Variants in CSRNP3 observed in about 807,000 individuals in gnomAD.
CSRNP3 encodes cysteine/serine-rich nuclear protein 3.
In CSRNP3, 12 loss-of-function variants were observed where a neutral mutation model predicts 48.0. The ratio of observed to expected loss-of-function variants is 0.25; its 90% CI spans 0.16 to 0.41. CSRNP3 has a LOEUF of 0.41. Ranked by LOEUF, CSRNP3 falls within the 10% of genes least tolerant of loss-of-function variation. The pLI is 1.00. For missense variants in CSRNP3, 580 were observed against 724.4 expected (o/e 0.80, Z 2.29); for synonymous variants, 263 against 269.7 (o/e 0.98, Z 0.24).
At chr2:165,640,210 T>A (rs1455857872) in intron 4 of CSRNP3, among the ~76,000 whole-genome samples, 1 of 152,244 alleles carries the variant, frequency 6.6e-6, no homozygotes, top group Admixed American at 6.5e-5. Context: ...CGTGCCAAAC[T>A]TTGTTTAATG....
At chr2:165,497,635 C>T (rs1329799834) in intron 2 of CSRNP3, among the ~76,000 whole-genome samples, 1 of 152,066 alleles carries the variant, frequency 6.6e-6, no homozygotes, top group Non-Finnish European at 1.5e-5. Context: ...AGTCAAACCT[C>T]ATTTTGAATT....
chr2:165,618,239 A>G (rs1686283067), intron 4 of CSRNP3, among the ~76,000 whole-genome samples: 1 of 151,680 alleles, frequency 6.6e-6, no homozygotes, highest in Non-Finnish European at 1.5e-5. Flanking sequence ...TGCAGTGGGG[A>G]CTCCATCCTG....
At chr2:165,565,134 A>G (rs1194766395) in intron 3 of CSRNP3, among the ~76,000 whole-genome samples, 1 of 152,084 alleles carries the variant, frequency 6.6e-6, no homozygotes, top group Admixed American at 6.6e-5. Context: ...TATGGCCTAC[A>G]AAGAGTAGTG....
chr2:165,544,389 T>C (rs986496428), intron 3 of CSRNP3, among the ~76,000 whole-genome samples: 1 of 152,160 alleles, frequency 6.6e-6, no homozygotes, highest in Non-Finnish European at 1.5e-5. Context: ...AGTTATATGG[T>C]TCTTTTGGCT....
chr2:165,636,772 A>C (rs1265584999), intron 4 of CSRNP3, among the ~76,000 whole-genome samples: 1 of 152,218 alleles, frequency 6.6e-6, no homozygotes, highest in Non-Finnish European at 1.5e-5. Flanking sequence ...CATCATGCTA[A>C]TGCTACTACA....
chr2:165,590,976 T>C (rs1405597497), intron 3 of CSRNP3, among the ~76,000 whole-genome samples: 3 of 151,678 alleles, frequency 2.0e-5, no homozygotes, highest in East Asian at 1.9e-4. Context: ...CAGGCAGAGG[T>C]TGCAACAGTT....
rs186448629 is a variant in CSRNP3 at position 165,493,605 on chromosome 2, T to C, written c.-282-1154T>C. Among the ~76,000 whole-genome samples, 907 of 152,166 alleles carry C rather than the reference T, an allele frequency of 6.0e-3. 5 individuals carry two copies. The highest frequency in any genetic ancestry group is 0.01 in the Non-Finnish European group (690 of 67,972). ...GCAGAATCTGAATATGAATGGAGCA[T>C]TGGCCGGAGTTAGAGGAGATTAAAT... On this transcript the variant is annotated intron_variant, in intron 1 of 6. Coordinates refer to ENST00000651982, the MANE Select transcript of CSRNP3 (RefSeq NM_001172173.2).
intron 3 of CSRNP3, among the ~76,000 whole-genome samples, chr2:165,582,494 A>G (rs1299575342): frequency 2.6e-5 from 4 of 152,180 alleles, no homozygotes; most frequent in Non-Finnish European, 5.9e-5. Context: ...AATCCCCTGG[A>G]AATGTCTCCA....
intron 3 of CSRNP3, among the ~76,000 whole-genome samples, chr2:165,583,884 C>T (rs1227875194): frequency 6.6e-6 from 1 of 152,078 alleles, no homozygotes; most frequent in Non-Finnish European, 1.5e-5. Flanking sequence ...TCTTGGATCT[C>T]ACACAAGAAG....
intron 4 of CSRNP3, among the ~76,000 whole-genome samples, chr2:165,645,500 A>G (rs959148334): frequency 3.3e-5 from 5 of 152,212 alleles, no homozygotes; most frequent in Non-Finnish European, 7.3e-5. Flanking sequence ...CATTCAGACC[A>G]TAGCAGAAAT....
At chr2:165,523,184 C>A (rs568163898) in intron 3 of CSRNP3, among the ~76,000 whole-genome samples, 1 of 152,282 alleles carries the variant, frequency 6.6e-6, no homozygotes, top group South Asian at 2.1e-4. Flanking sequence ...AGGAGTCCTT[C>A]CTGCTATTCA....
intron 3 of CSRNP3, among the ~76,000 whole-genome samples, chr2:165,590,312 A>G (rs1685695643): frequency 6.6e-6 from 1 of 152,244 alleles, no homozygotes; most frequent in South Asian, 2.1e-4. Flanking sequence ...TAATAAAGCA[A>G]TTGAGTAGAA....
chr2:165,528,126 C>T (rs1684764679), intron 3 of CSRNP3, among the ~76,000 whole-genome samples: 1 of 152,092 alleles, frequency 6.6e-6, no homozygotes. Context: ...CAGTCATATA[C>T]TGTTGATAGA....
In CSRNP3 at chr2:165,636,448, C is replaced by G. The variant is rs1259569415; in HGVS notation, c.149-21313C>G. ...AACTGTACTAACTCCATCAATAAGACACGTGTCTTGAGATATTTTCCCAGT... is the reference window on the plus strand; with the variant it reads ...AACTGTACTAACTCCATCAATAAGAGACGTGTCTTGAGATATTTTCCCAGT... On this transcript the variant is annotated intron_variant, in intron 4 of 6. Transcript: ENST00000651982. 2.0e-5 allele frequency among the ~76,000 whole-genome samples: 3 copies of G among 152,266 alleles called. No individual in the cohort carries two copies. The East Asian group carries it at 5.8e-4, about 29-fold the overall frequency.
chr2:165,529,023 C>T (rs532618733), intron 3 of CSRNP3, among the ~76,000 whole-genome samples: 12 of 151,562 alleles, frequency 7.9e-5, no homozygotes, highest in South Asian at 6.3e-4. Context: ...GCCCAAACCA[C>T]GGCTTTGGAC....
At chr2:165,672,346 C>T (rs1687344724) in intron 5 of CSRNP3, among the ~76,000 whole-genome samples, 1 of 152,138 alleles carries the variant, frequency 6.6e-6, no homozygotes, top group Non-Finnish European at 1.5e-5. Flanking sequence ...TTAATGGACT[C>T]ACAGTTCCAC....
chr2:165,495,776 G>A lies in CSRNP3; in HGVS notation c.-113+848G>A, dbSNP rs145611854. Among the ~76,000 whole-genome samples, 464 of 152,064 alleles carry A rather than the reference G, an allele frequency of 3.1e-3. 4 individuals are homozygous for A. The highest frequency in any genetic ancestry group is 0.01 in the African/African-American group (422 of 41,514). ...ACTTCCTTTTAACTTTGTATTCCACGAGTAAAGGTAAAAATTATTCAACAT... is the reference window on the plus strand; with the variant it reads ...ACTTCCTTTTAACTTTGTATTCCACAAGTAAAGGTAAAAATTATTCAACAT... On this transcript the variant is annotated intron_variant, in intron 2 of 6. Transcript: ENST00000651982.
At chr2:165,612,150 C>A (rs933210979) in intron 4 of CSRNP3, among the ~76,000 whole-genome samples, 16 of 152,026 alleles carry the variant, frequency 1.1e-4, no homozygotes, top group African/African-American at 3.6e-4. Context: ...TTCTTTGAAA[C>A]GTTATTTTTG....
chr2:165,653,287 C>G (rs1299184717), intron 4 of CSRNP3, among the ~76,000 whole-genome samples: 1 of 152,128 alleles, frequency 6.6e-6, no homozygotes, highest in Non-Finnish European at 1.5e-5. Context: ...TAAATAGATT[C>G]CATAGGCTTT....
Sources: gnomAD v4.1 joint callset for allele counts (sites outside exome capture counted in the v4.1 genomes callset) on GRCh38, gnomAD v4.1.1 for gene constraint, MANE v1.5 for transcripts, NCBI Gene and HGNC (gene_info 2026-07-23, HGNC 2026-07-21) for gene names.